PRDM1: variants seen among roughly 807,000 people sequenced by gnomAD.
The protein encoded by PRDM1 is PR/SET domain 1, also known as PR domain zinc finger protein 1.
PRDM1 carries 13 observed loss-of-function variants against 62.8 expected under a neutral mutation model. The ratio of observed to expected loss-of-function variants is 0.21; its 90% CI spans 0.13 to 0.33. The LOEUF (loss-of-function observed/expected upper bound fraction) is 0.33. Ranked by LOEUF, PRDM1 falls within the 10% of genes least tolerant of loss-of-function variation. PRDM1 has a pLI of 1.00. For missense variants in PRDM1, 895 were observed against 1,058.8 expected, an observed-to-expected ratio of 0.85 and a Z score of 2.15; for synonymous variants, 396 against 417.6, an observed-to-expected ratio of 0.95 and a Z score of 0.63.
intron 1 of PRDM1, among the ~76,000 whole-genome samples, chr6:106,012,765 G>A (rs536740097): frequency 1.8e-4 from 28 of 152,344 alleles, no homozygotes; most frequent in Non-Finnish European, 3.4e-4. Context: ...CTGAAGAGCG[G>A]AACCTGAGTG....
chr6:106,086,680 T>A (rs1285005883), intron 1 of PRDM1, 85 bp downstream of exon 1: 1 of 1,239,726 alleles, frequency 8.1e-7, no homozygotes, highest in Non-Finnish European at 1.1e-6. Flanking sequence ...TTATTATTAA[T>A]TTTTTTTGGC....
intron 1 of PRDM1, among the ~76,000 whole-genome samples, chr6:106,034,616 A>C (rs1484068138): frequency 7.2e-6 from 1 of 139,632 alleles, no homozygotes; most frequent in African/African-American, 2.6e-5. Flanking sequence ...ACAGTCTTAC[A>C]GTCTTTCATG....
At chr6:106,057,660 A>G (rs181279063) in intron 1 of PRDM1, among the ~76,000 whole-genome samples, 1 of 152,316 alleles carries the variant, frequency 6.6e-6, no homozygotes, top group African/African-American at 2.4e-5. Flanking sequence ...GTTTCAAAGG[A>G]AAGCATGTCA....
rs952167672 is a variant in PRDM1 at position 106,040,009 on chromosome 6, T to G, written c.-67+46370T>G. On this transcript the variant is annotated intron_variant, in intron 1 of 6. Transcript: ENST00000652320. Reference sequence around the variant, plus strand: ...CCTCCCTTTACAATACCCACACCTCTCTTGAAACCCTCTTACTTTCCCTGA... The same window carrying G: ...CCTCCCTTTACAATACCCACACCTCGCTTGAAACCCTCTTACTTTCCCTGA... Among the ~76,000 whole-genome samples the G allele has an allele frequency of 4.6e-5, 7 of 152,330 alleles. No homozygotes were observed. In the South Asian group the frequency reaches 1.0e-3, roughly 23 times the overall value.
At chr6:106,043,323 AG>A (rs1428109595) in intron 1 of PRDM1, among the ~76,000 whole-genome samples, 3 of 152,202 alleles carry the variant, frequency 2.0e-5, no homozygotes, top group African/African-American at 7.2e-5. Context: ...CTTAATTATA[AG>A]CTCCATGGAG....
chr6:106,095,636 G>C lies in PRDM1; in HGVS notation c.313G>C (p.Glu105Gln), dbSNP rs1774092895. Reference sequence around the variant, plus strand: ...TTAGGTTATTGGAGTGATGAGTAAAGAATACATACCAAAGGGCACACGTTT... The same window carrying C: ...TTAGGTTATTGGAGTGATGAGTAAACAATACATACCAAAGGGCACACGTTT... ...SEEVIGVMSK[E>Q]YIPKGTRFGP... is the part of the protein sequence containing the mutation. Residue 105 changes from glutamate (E) to glutamine (Q), a missense_variant, in exon 3 of 7, where the codon GAA becomes CAA. Physicochemically the swap from Glu to Gln is conservative, Grantham distance 29. Around this residue, in one of 4 missense-constraint regions of PRDM1, gnomAD observed 213 missense variants for 283.9 expected, o/e 0.75. Coordinates refer to ENST00000369096, the MANE Select transcript of PRDM1 (RefSeq NM_001198.4). The C allele has an allele frequency of 6.2e-7, 1 of 1,614,026 alleles. No individual in the cohort carries two copies. The highest frequency in any genetic ancestry group is 8.5e-7 in the Non-Finnish European group (1 of 1,179,954).
chr6:106,019,498 TGCCAAAAAGAAGCTA>T (rs1244299991), intron 1 of PRDM1, among the ~76,000 whole-genome samples: 6 of 151,704 alleles, frequency 4.0e-5, no homozygotes, highest in Admixed American at 2.0e-4. Context: ...CACTTATCTA[TGCCAAAAAGAAGCTA>T]GCTAAAAATG....
At position 106,106,382 on chromosome 6, in the gene PRDM1, A is replaced by G; in HGVS notation, c.1785A>G (p.Arg595=). The change falls in exon 6 of 7, where the codon AGA becomes AGG. Residue 595 remains arginine, a synonymous_variant. Transcript: ENST00000369096. The surrounding 1 kb of genome is among the most constrained non-coding windows in gnomAD (Gnocchi z 4.4). The part of the protein sequence containing the change: ...GQLSNLKVHL[R]VHSGERPFKC... ...TGGCTTCTTCCCAGGTCCACCTGAG[A>G]GTGCACAGTGGAGAACGGCCTTTCA... is the stretch of plus-strand genomic sequence containing the variant. The G allele has an allele frequency of 3.1e-6, 5 of 1,614,138 alleles. No individual in the cohort carries two copies. Among genetic ancestry groups the G allele is most frequent in the Non-Finnish European group, 4.2e-6 (5 of 1,180,024 alleles).
chr6:106,009,671 C>A (rs144336969), intron 1 of PRDM1, among the ~76,000 whole-genome samples: 1 of 152,020 alleles, frequency 6.6e-6, no homozygotes, highest in Non-Finnish European at 1.5e-5. Context: ...TAACTCAGGA[C>A]GAAAGTTTTG....
Position 106,098,674 on chromosome 6 carries a change from A to G in PRDM1, c.412-626A>G, listed in dbSNP as rs1177572575. ...CTGCTGCCCGAGTGTTCGCTTTGTT[A>G]TGGCAGGTGAAGTTCACCTTTGCCC... On this transcript the variant is annotated intron_variant, in intron 3 of 6. Transcript: ENST00000369096. The G allele has an allele frequency of 3.0e-6, 4 of 1,355,496 alleles. No homozygotes were observed. The African/African-American group carries it at 5.9e-5, about 20-fold the overall frequency. 84.0% of individuals were successfully genotyped at this position (1,355,496 alleles called of 1,614,324 possible).
chr6:106,076,516 A>G (rs776804104), intron 1 of PRDM1, among the ~76,000 whole-genome samples: 20 of 152,224 alleles, frequency 1.3e-4, no homozygotes, highest in Non-Finnish European at 2.4e-4. Flanking sequence ...TTACTTTATT[A>G]GTAGAAAAAA....
rs1450309746 is a variant in PRDM1 at position 106,104,837 on chromosome 6, G to A, written c.677G>A (p.Ser226Asn). Reference sequence around the variant, plus strand: ...TTCTTTATTTCAGCACAAACACAGAGCAGTCTAAAGCAACCGAGCACTGAG... The same window carrying A: ...TTCTTTATTTCAGCACAAACACAGAACAGTCTAAAGCAACCGAGCACTGAG... Reference protein sequence around the residue: ...LTMMNLTQTQSSLKQPSTEKN... With the variant: ...LTMMNLTQTQNSLKQPSTEKN... Residue 226 changes from serine (S) to asparagine (N), a missense_variant, in exon 5 of 7, where the codon AGC (serine) becomes AAC (asparagine). By Grantham distance (46) the Ser-to-Asn change is conservative (BLOSUM62 1). This residue lies in a region of PRDM1 where 444 missense variants were observed against 422.7 expected (regional missense o/e 1.05). Coordinates refer to ENST00000369096, the MANE Select transcript of PRDM1 (RefSeq NM_001198.4). 6.2e-7 allele frequency: 1 copy of A among 1,612,762 alleles called. No homozygotes were observed. Among genetic ancestry groups the A allele is most frequent in the Non-Finnish European group, 8.5e-7 (1 of 1,179,624 alleles).
At chr6:106,040,002 A>C (rs1772970644) in intron 1 of PRDM1, among the ~76,000 whole-genome samples, 1 of 152,122 alleles carries the variant, frequency 6.6e-6, no homozygotes. Context: ...TACAATACCC[A>C]CACCTCTCTT....
chr6:106,004,382 G>T (rs921058438), intron 1 of PRDM1, among the ~76,000 whole-genome samples: 9 of 152,180 alleles, frequency 5.9e-5, no homozygotes, highest in African/African-American at 1.9e-4. Flanking sequence ...TCTTGGTTTA[G>T]AAACCTTTTA....
intron 4 of PRDM1, among the ~76,000 whole-genome samples, chr6:106,103,940 G>C (rs947311436): frequency 3.9e-5 from 6 of 152,184 alleles, no homozygotes; most frequent in Admixed American, 6.5e-5. Flanking sequence ...TGCTTAGGCT[G>C]TCTGCACATC....
At chr6:106,015,145 G>A (rs1314375946) in intron 1 of PRDM1, among the ~76,000 whole-genome samples, 3 of 152,142 alleles carry the variant, frequency 2.0e-5, no homozygotes, top group African/African-American at 7.2e-5. Flanking sequence ...TTTACAAGGT[G>A]GTAATCTCTT....
At chr6:106,089,032 G>A (rs1298611525) in intron 2 of PRDM1, among the ~76,000 whole-genome samples, 1 of 152,226 alleles carries the variant, frequency 6.6e-6, no homozygotes, top group Non-Finnish European at 1.5e-5. Context: ...TTTATCTGCA[G>A]CAGCTCCTTT....
chr6:106,083,328 A>C (rs1474588072), upstream of PRDM1, among the ~76,000 whole-genome samples: 2 of 152,128 alleles, frequency 1.3e-5, no homozygotes, highest in African/African-American at 2.4e-5. Flanking sequence ...GTTGAATGAG[A>C]AAATGAAAAC....
At chr6:106,003,017 C>CT (rs78356615) in intron 1 of PRDM1, among the ~76,000 whole-genome samples, 138,493 of 152,136 alleles carry the variant, frequency 0.91, 63,155 homozygotes, top group African/African-American at 0.96. Context: ...TGTTCTTTTT[C>CT]TTTTTTGTAA....
Sources: gnomAD v4.1 joint callset for allele counts (sites outside exome capture counted in the v4.1 genomes callset) on GRCh38, gnomAD v4.1.1 for gene constraint, gnomAD v4.1.1 regional missense constraint, Gnocchi (gnomAD v3.1) non-coding constraint, MANE v1.5 for transcripts, NCBI Gene and HGNC (gene_info 2026-07-23, HGNC 2026-07-21) for gene names.